CENPP: variants seen among roughly 807,000 people sequenced by gnomAD.
CENPP encodes the protein centromere protein P.
In CENPP, 24 loss-of-function variants were observed where a neutral mutation model predicts 35.6. That is an observed-to-expected ratio of 0.67 (90% CI 0.49 to 0.95). The LOEUF is 0.95. Ranked by LOEUF, CENPP falls within the 40% of genes least tolerant of loss-of-function variation. The pLI, the probability that CENPP is intolerant of heterozygous loss-of-function variation, is 0.00. For missense variants in CENPP, 332 were observed against 345.3 expected (o/e 0.96, Z 0.31); for synonymous variants, 120 against 125.5 (o/e 0.96, Z 0.29).
In CENPP at chr9:92,445,073, A is replaced by C. The variant is rs1588134074; in HGVS notation, c.564+65214A>C. ...CGTCCCTGTTCATGCTCCACTGCAG[A>C]TGCTTCTGCACTAAACCCTCTGGGC... On this transcript the variant is annotated intron_variant, in intron 5 of 7. Coordinates refer to ENST00000375587, the MANE Select transcript of CENPP (RefSeq NM_001012267.3). Among the ~76,000 whole-genome samples, 3 of 152,156 alleles carry C rather than the reference A, an allele frequency of 2.0e-5. 1 individual carries two copies. Among genetic ancestry groups the C allele is most frequent in the Admixed American group, 2.0e-4 (3 of 15,294 alleles).
At position 92,615,017 on chromosome 9, in the gene CENPP, A is replaced by G. The variant is rs1851389106; in HGVS notation, c.*1868A>G. 1 of 152,214 alleles carries G rather than the reference A, an allele frequency of 6.6e-6. No individual in the cohort carries two copies. The highest frequency in any genetic ancestry group is 2.4e-5 in the African/African-American group (1 of 41,452). The allele number at this position is 152,214 out of a possible 1,614,324, so 9.4% of individuals were successfully genotyped here. A position where few individuals can be genotyped will look rare whatever the true frequency, so the allele number is the denominator to read the frequency against. On this transcript the variant is annotated 3_prime_UTR_variant, in exon 8 of 8. Coordinates refer to ENST00000375587, the MANE Select transcript of CENPP (RefSeq NM_001012267.3). Reference sequence around the variant, plus strand: ...ACACTGGAGTGTCAGGAAAGCACTGAGCTGTTGGGGCACACTGCCCAGCCC... The same window carrying G: ...ACACTGGAGTGTCAGGAAAGCACTGGGCTGTTGGGGCACACTGCCCAGCCC...
At chr9:92,407,327 G>A (rs1282978996) in intron 5 of CENPP, among the ~76,000 whole-genome samples, 2 of 152,116 alleles carry the variant, frequency 1.3e-5, no homozygotes, top group African/African-American at 4.8e-5. Context: ...AAGACTATCA[G>A]GTGTGGCTGA....
At chr9:92,405,152 A>G (rs560849594) in intron 5 of CENPP, among the ~76,000 whole-genome samples, 1 of 152,284 alleles carries the variant, frequency 6.6e-6, no homozygotes, top group East Asian at 1.9e-4. Context: ...AATTTGATTT[A>G]TAGTTTTTGA....
chr9:92,353,629 C>G (rs1841520434), intron 4 of CENPP, among the ~76,000 whole-genome samples: 1 of 152,150 alleles, frequency 6.6e-6, no homozygotes. Flanking sequence ...TAGGAGGAGC[C>G]CAAAGTGTCC....
At chr9:92,612,394 G>C in intron 6 of CENPP, 129 bp from the exon 7 acceptor site, 1 of 698,530 alleles carries the variant, frequency 1.4e-6, no homozygotes, top group South Asian at 1.7e-5. Flanking sequence ...GCCTCTTCTT[G>C]GCTGTGGATT....
In CENPP at chr9:92,336,252, A is replaced by G. The variant is rs538450079; in HGVS notation, c.290-1289A>G. Among the ~76,000 whole-genome samples the G allele has an allele frequency of 1.4e-4, 21 of 152,288 alleles. No homozygotes were observed. In the South Asian group the frequency reaches 2.9e-3, roughly 21 times the overall value. ...AGTGATGTTTTGTTCTTACCAGTAC[A>G]TCTAATTAGGAAGCAAATTATGTCA... On this transcript the variant is annotated intron_variant, in intron 2 of 7. Transcript: ENST00000375587.
At chr9:92,612,408 G>A in intron 6 of CENPP, 115 bp from the exon 7 acceptor site, 3 of 770,202 alleles carry the variant, frequency 3.9e-6, no homozygotes, top group Non-Finnish European at 4.5e-6. Flanking sequence ...GTGGATTGGG[G>A]TTTCTAGCAG....
intron 5 of CENPP, among the ~76,000 whole-genome samples, chr9:92,579,685 C>T (rs993360565): frequency 2.0e-5 from 3 of 148,710 alleles, no homozygotes; most frequent in African/African-American, 7.6e-5. Flanking sequence ...TGCTTATCAG[C>T]TTAAGGAGAT....
chr9:92,452,547 G>T (rs1225771445), intron 5 of CENPP, among the ~76,000 whole-genome samples: 2 of 152,160 alleles, frequency 1.3e-5, no homozygotes, highest in Non-Finnish European at 2.9e-5. Context: ...CAAGGATATT[G>T]GTCTAAAATT....
chr9:92,468,452 A>G (rs969438108), intron 5 of CENPP, among the ~76,000 whole-genome samples: 1 of 152,192 alleles, frequency 6.6e-6, no homozygotes, highest in African/African-American at 2.4e-5. Context: ...ACAGTGATTC[A>G]TGCCACATGT....
In CENPP at chr9:92,511,588, C is replaced by T. The variant is rs2131193146; in HGVS notation, c.565-99726C>T. ...CCAGAACCCCCTTCTGCCAAAGTAT[C>T]CTCCATCAGGTTTTGTTGATTGCAC... On this transcript the variant is annotated intron_variant, in intron 5 of 7. Coordinates refer to ENST00000375587, the MANE Select transcript of CENPP (RefSeq NM_001012267.3). Among the ~76,000 whole-genome samples, 3 of 152,170 alleles carry T rather than the reference C, an allele frequency of 2.0e-5. No individual in the cohort carries two copies. The South Asian group carries it at 6.2e-4, about 32-fold the overall frequency.
rs543282436 is a variant in CENPP at position 92,619,206 on chromosome 9, G to A, written c.*6057G>A. The A allele has an allele frequency of 1.0e-4, 39 of 386,850 alleles. No individual in the cohort carries two copies. Among genetic ancestry groups the A allele is most frequent in the Admixed American group, 1.0e-3 (28 of 28,102 alleles). The allele number at this position is 386,850 out of a possible 1,614,324, so 24.0% of individuals were successfully genotyped here. ...CAATGGGCAGCTCACTGTCCACATT[G>A]TTTCTGAGCTCTTGGGAGTATTTTC... On this transcript the variant is annotated 3_prime_UTR_variant, in exon 8 of 8. Transcript: ENST00000375587.
chr9:92,398,076 A>G (rs922478711), intron 5 of CENPP, among the ~76,000 whole-genome samples: 4 of 152,214 alleles, frequency 2.6e-5, no homozygotes, highest in Admixed American at 6.5e-5. Flanking sequence ...TGGCACACAT[A>G]TTAAGTAGTT....
chr9:92,472,627 C>A (rs1327627057), intron 5 of CENPP, among the ~76,000 whole-genome samples: 1 of 152,094 alleles, frequency 6.6e-6, no homozygotes, highest in Non-Finnish European at 1.5e-5. Context: ...CATTGTACTC[C>A]AGCCTGGGTG....
chr9:92,607,754 A>G (rs1387764957), intron 5 of CENPP, among the ~76,000 whole-genome samples: 9 of 152,220 alleles, frequency 5.9e-5, no homozygotes, highest in Admixed American at 3.9e-4. Flanking sequence ...GCACTGAAAT[A>G]TAATACAAGG....
chr9:92,453,008 T>G (rs1384479586), intron 5 of CENPP, among the ~76,000 whole-genome samples: 1 of 152,196 alleles, frequency 6.6e-6, no homozygotes, highest in Non-Finnish European at 1.5e-5. Flanking sequence ...TTATTAGTCT[T>G]GCTAGGGGTC....
intron 2 of CENPP, among the ~76,000 whole-genome samples, chr9:92,334,713 C>T (rs1444616036): frequency 6.7e-6 from 1 of 149,898 alleles, no homozygotes; most frequent in African/African-American, 2.5e-5. Context: ...AACCCCATCT[C>T]TACTAAAAAT....
rs558178629 is a variant in CENPP, at chr9:92,577,973, C to A, written c.565-33341C>A. On this transcript the variant is annotated intron_variant, in intron 5 of 7. Transcript: ENST00000375587. Reference sequence around the variant, plus strand: ...CCTCCCCCCACCCCACAACAGTCCCCAGAGTGTGATGTTCCCCTTCCTGTG... The same window carrying A: ...CCTCCCCCCACCCCACAACAGTCCCAAGAGTGTGATGTTCCCCTTCCTGTG... Among the ~76,000 whole-genome samples, 356 of 135,626 alleles carry A rather than the reference C, an allele frequency of 2.6e-3. 1 individual carries two copies. The highest frequency in any genetic ancestry group is 4.3e-3 in the Middle Eastern group (1 of 232). 89.0% of individuals were successfully genotyped at this position (135,626 alleles called of 152,430 possible). A position where few individuals can be genotyped will look rare whatever the true frequency, so the allele number is the denominator to read the frequency against.
chr9:92,526,261 A>T (rs1225287425), intron 5 of CENPP, among the ~76,000 whole-genome samples: 1 of 152,202 alleles, frequency 6.6e-6, no homozygotes, highest in Admixed American at 6.5e-5. Context: ...AAAAATAAAA[A>T]TAGAAAAAAG....
Sources: allele counts gnomAD v4.1 joint callset (sites outside exome capture counted in the v4.1 genomes callset), GRCh38; gene constraint gnomAD v4.1.1; transcripts MANE v1.5; gene names NCBI Gene and HGNC (gene_info 2026-07-23, HGNC 2026-07-21).